The following LONP1 variants were observed in gnomAD, a reference collection of about 807,000 sequenced individuals.
LONP1 encodes lon peptidase 1, mitochondrial.
In LONP1, 31 loss-of-function variants were observed where a neutral mutation model predicts 98.5. That is an observed-to-expected ratio of 0.31 (90% CI 0.24 to 0.42). The LOEUF is 0.42. Ranked by LOEUF, LONP1 falls within the 20% of genes least tolerant of loss-of-function variation. The pLI is 1.00. For synonymous variants in LONP1, 781 were observed against 594.7 expected (o/e 1.31, Z -4.56); for missense variants, 1,336 against 1,350.6 (o/e 0.99, Z 0.17).
intron 10 of LONP1, among the ~76,000 whole-genome samples, chr19:5,697,198 G>C (rs904339489): frequency 2.6e-5 from 4 of 152,218 alleles, no homozygotes; most frequent in African/African-American, 9.6e-5. Flanking sequence ...CCCGCGACAG[G>C]GACAGAAGAA....
In LONP1 at chr19:5,691,863, C is replaced by T; in HGVS notation, c.*169G>A. ...GCAAATGACTTTAATCATTAAATAG[C>T]TTCTATGCCACACTCTGATTAAGCC... On this transcript the variant is annotated 3_prime_UTR_variant, in exon 18 of 18. Coordinates refer to ENST00000360614, the MANE Select transcript of LONP1 (RefSeq NM_004793.4). 2.4e-6 allele frequency: 2 copies of T among 818,780 alleles called. No homozygotes were observed. The allele number at this position is 818,780 out of a possible 1,614,324, so 50.7% of individuals were successfully genotyped here.
chr19:5,708,158 G>C (rs2055177706), intron 5 of LONP1, 184 bp downstream of exon 5: 1 of 636,132 alleles, frequency 1.6e-6, no homozygotes, highest in Non-Finnish European at 2.7e-6. Context: ...GGCCTGCTGA[G>C]TCGGCCCCGG....
intron 1 of LONP1, among the ~76,000 whole-genome samples, chr19:5,716,300 A>G (rs182185614): frequency 0.021 from 2,503 of 118,644 alleles, 97 homozygotes; most frequent in East Asian, 0.042. Context: ...ATATATATAT[A>G]GTAATGGCCC....
chr19:5,711,805 A>G lies in LONP1; in HGVS notation c.836T>C (p.Val279Ala). ...CTCCGTGACCTGGAAGTCCTCGTGG[A>G]CAACGTTCTCTACCTCCACCATGAG... ...EVLMVEVENV[V>A]HEDFQVTEEV... The change falls in exon 4 of 18, where the codon GTC (valine) becomes GCC (alanine). Residue 279 changes from valine (V) to alanine (A), a missense_variant. Around this residue, in one of 5 missense-constraint regions of LONP1, gnomAD observed 457 missense variants for 403.1 expected, o/e 1.13. Transcript: ENST00000360614. 2 of 1,611,774 alleles carry G rather than the reference A, an allele frequency of 1.2e-6. No homozygotes were observed. Among genetic ancestry groups the G allele is most frequent in the Non-Finnish European group, 1.7e-6 (2 of 1,179,078 alleles).
At chr19:5,719,652 C>G in intron 1 of LONP1, 52 bp downstream of exon 1, 2 of 1,612,810 alleles carry the variant, frequency 1.2e-6, no homozygotes, top group Non-Finnish European at 1.7e-6. Context: ...ACGGTTCAGC[C>G]CGCTGCTTGC....
At chr19:5,697,661 C>A (rs866418763) in intron 10 of LONP1, among the ~76,000 whole-genome samples, 3 of 150,112 alleles carry the variant, frequency 2.0e-5, no homozygotes, top group African/African-American at 2.4e-5. Flanking sequence ...GGGCTTTGAC[C>A]GAGGAACGTG....
intron 4 of LONP1, 70 bp downstream of exon 4, chr19:5,711,700 GC>G: frequency 7.7e-7 from 1 of 1,291,710 alleles, no homozygotes; most frequent in Non-Finnish European, 1.1e-6. Context: ...CTTCGGAGAG[GC>G]CGCAGGAACG....
chr19:5,696,615 C>T, intron 11 of LONP1, 55 bp downstream of exon 11: 2 of 1,495,128 alleles, frequency 1.3e-6, no homozygotes, highest in South Asian at 2.3e-5. Context: ...GGCTCGGCTT[C>T]ATCTTGCACA....
Position 5,696,188 on chromosome 19 carries a change from G to T in LONP1, c.1897-18C>A. 1.2e-6 allele frequency: 2 copies of T among 1,612,828 alleles called. No homozygotes were observed. Among genetic ancestry groups the T allele is most frequent in the Non-Finnish European group, 1.7e-6 (2 of 1,179,814 alleles). Reference sequence around the variant, plus strand: ...AACAGCACCTGGGGGCGGCGGCAAGGTGCTGGGGGACTGGCCGCTTACCCT... The same window carrying T: ...AACAGCACCTGGGGGCGGCGGCAAGTTGCTGGGGGACTGGCCGCTTACCCT... On this transcript the variant is annotated intron_variant, in intron 12 of 17. Transcript: ENST00000360614.
At chr19:5,707,214 GA>G in intron 6 of LONP1, 71 bp from the exon 7 acceptor site, 7 of 1,245,946 alleles carry the variant, frequency 5.6e-6, no homozygotes, top group East Asian at 2.4e-5. Context: ...GAGGTTGGGG[GA>G]AAATGCGCAC....
chr19:5,694,620 G>A (rs1005501333), intron 14 of LONP1, 68 bp from the exon 15 acceptor site: 99 of 1,560,702 alleles, frequency 6.3e-5, no homozygotes, highest in Admixed American at 1.7e-4. Context: ...GTGGGGTGAC[G>A]GGCACAGAAA....
chr19:5,715,170 T>G (rs898221697), intron 1 of LONP1: 8 of 151,220 alleles, frequency 5.3e-5, no homozygotes, highest in African/African-American at 1.9e-4. Flanking sequence ...AAATTCAAAG[T>G]AGACGAATGG....
intron 1 of LONP1, among the ~76,000 whole-genome samples, chr19:5,716,300 A>ATG (rs1568329236): frequency 8.4e-6 from 1 of 118,658 alleles, no homozygotes; most frequent in African/African-American, 3.2e-5. Flanking sequence ...ATATATATAT[A>ATG]GTAATGGCCC....
chr19:5,695,238 C>T (rs117785822), intron 13 of LONP1, among the ~76,000 whole-genome samples: 6 of 152,268 alleles, frequency 3.9e-5, no homozygotes, highest in Non-Finnish European at 7.4e-5. Flanking sequence ...TACGTGGCTG[C>T]TGCCCTCAGC....
At position 5,694,373 on chromosome 19, in the gene LONP1, G is replaced by A. The variant is rs775734852; in HGVS notation, c.2320+14C>T. 4.3e-5 allele frequency: 70 copies of A among 1,609,668 alleles called. 1 individual carries two copies. The highest frequency in any genetic ancestry group is 1.6e-4 in the Middle Eastern group (1 of 6,076). On this transcript the variant is annotated intron_variant, in intron 15 of 17. Transcript: ENST00000360614. ...GGGAATGGCTTTGGGGTCTTCTCCCGCCACCACGCTCACCCATTGCGGTCC... is the reference window on the plus strand; with the variant it reads ...GGGAATGGCTTTGGGGTCTTCTCCCACCACCACGCTCACCCATTGCGGTCC...
chr19:5,700,214 A>G (rs1435780193), intron 9 of LONP1, among the ~76,000 whole-genome samples: 1 of 152,078 alleles, frequency 6.6e-6, no homozygotes, highest in Non-Finnish European at 1.5e-5. Context: ...CCTGGGTTCA[A>G]GCGATTCTCC....
chr19:5,708,636 C>T (rs2055186879), intron 4 of LONP1: 1 of 536,952 alleles, frequency 1.9e-6, no homozygotes, highest in Non-Finnish European at 3.4e-6. Flanking sequence ...AACCCTGTCT[C>T]CTTACCCCTC....
intron 7 of LONP1, 51 bp from the exon 8 acceptor site, chr19:5,706,043 G>T (rs912845560): frequency 2.3e-6 from 3 of 1,317,816 alleles, no homozygotes; most frequent in Non-Finnish European, 3.3e-6. Context: ...AGCTGGGTGG[G>T]TGGGTGCGTC....
intron 8 of LONP1, among the ~76,000 whole-genome samples, chr19:5,702,635 A>T (rs555076923): frequency 3.9e-5 from 6 of 152,318 alleles, no homozygotes; most frequent in South Asian, 2.1e-4. Context: ...GTGTAGAAAG[A>T]AGTAGACATG....
Sources: gnomAD v4.1 joint callset for allele counts (sites outside exome capture counted in the v4.1 genomes callset) on GRCh38, gnomAD v4.1.1 for gene constraint, gnomAD v4.1.1 regional missense constraint, MANE v1.5 for transcripts, NCBI Gene and HGNC (gene_info 2026-07-23, HGNC 2026-07-21) for gene names.